Variants in CNTNAP5 observed in about 807,000 individuals in gnomAD.
The protein encoded by CNTNAP5 is contactin-associated protein-like 5.
Under a neutral mutation model 150.2 loss-of-function variants are expected in CNTNAP5, and 72 were observed. That is an observed-to-expected ratio of 0.48 (90% CI 0.40 to 0.58). The LOEUF (loss-of-function observed/expected upper bound fraction) is 0.58. CNTNAP5 is among the 20% of genes least tolerant of loss of function. The pLI is 0.00. For synonymous variants in CNTNAP5, 672 were observed against 619.8 expected, an observed-to-expected ratio of 1.08 and a Z score of -1.25; for missense variants, 1,636 against 1,626.2, an observed-to-expected ratio of 1.01 and a Z score of -0.10.
intron 1 of CNTNAP5, among the ~76,000 whole-genome samples, chr2:124,047,423 C>T (rs74777805): frequency 1.4e-4 from 22 of 152,224 alleles, no homozygotes; most frequent in Non-Finnish European, 2.6e-4. Context: ...AGAGCTTGGA[C>T]GGATCTGGCC....
At chr2:124,204,951 A>G (rs575186027) in intron 1 of CNTNAP5, among the ~76,000 whole-genome samples, 1 of 152,332 alleles carries the variant, frequency 6.6e-6, no homozygotes, top group Admixed American at 6.5e-5. Context: ...GTAAACTGCT[A>G]CTGAGGCCAG....
chr2:124,462,427 C>T (rs1486794790), intron 6 of CNTNAP5, among the ~76,000 whole-genome samples: 4 of 152,144 alleles, frequency 2.6e-5, no homozygotes, highest in African/African-American at 9.7e-5. Context: ...AAAGACTTCT[C>T]TTAAATTTGT....
intron 13 of CNTNAP5, among the ~76,000 whole-genome samples, chr2:124,651,573 G>A: frequency 6.6e-6 from 1 of 152,178 alleles, no homozygotes; most frequent in East Asian, 1.9e-4. Context: ...ACAGAAAGGG[G>A]CAGATCTAAC....
rs191465569 is a variant in CNTNAP5 at position 124,838,273 on chromosome 2, G to A, written c.3218-27033G>A. Among the ~76,000 whole-genome samples the A allele has an allele frequency of 2.4e-4, 36 of 152,198 alleles. No individual in the cohort carries two copies. The East Asian group carries it at 4.5e-3, about 19-fold the overall frequency. Reference sequence around the variant, plus strand: ...ATTATATACATTTTGCACATAGGGAGGTGAAACACTAGAAGACCATTAGAT... The same window carrying A: ...ATTATATACATTTTGCACATAGGGAAGTGAAACACTAGAAGACCATTAGAT... On this transcript the variant is annotated intron_variant, in intron 19 of 23. Coordinates refer to ENST00000682447, the MANE Select transcript of CNTNAP5 (RefSeq NM_001367498.1).
chr2:124,085,085 C>A (rs1357757327), intron 1 of CNTNAP5, among the ~76,000 whole-genome samples: 1 of 151,746 alleles, frequency 6.6e-6, no homozygotes, highest in African/African-American at 2.4e-5. Flanking sequence ...CCACGCCCAG[C>A]TAATTTTTGT....
intron 11 of CNTNAP5, among the ~76,000 whole-genome samples, chr2:124,579,296 T>C (rs1558962225): frequency 6.6e-6 from 1 of 152,218 alleles, no homozygotes; most frequent in Non-Finnish European, 1.5e-5. Context: ...GTAAAGGATA[T>C]GGTTACACAA....
chr2:124,782,268 G>A (rs1014902037), intron 17 of CNTNAP5, among the ~76,000 whole-genome samples: 1 of 151,948 alleles, frequency 6.6e-6, no homozygotes, highest in Non-Finnish European at 1.5e-5. Context: ...ACCTCTGATG[G>A]TGCCTGCATG....
intron 8 of CNTNAP5, among the ~76,000 whole-genome samples, chr2:124,510,109 G>T (rs1694522873): frequency 6.6e-6 from 1 of 151,720 alleles, no homozygotes; most frequent in African/African-American, 2.4e-5. Context: ...TCGGGAGGCT[G>T]AGGCAGGAGA....
At chr2:124,413,625 G>A (rs11886818) in intron 3 of CNTNAP5, among the ~76,000 whole-genome samples, 25,988 of 101,898 alleles carry the variant, frequency 0.26, 3,949 homozygotes, top group East Asian at 0.46. Flanking sequence ...GTAAACTATC[G>A]CAAGAACAAA....
chr2:124,898,342 CT>C (rs1232556225), intron 21 of CNTNAP5, among the ~76,000 whole-genome samples: 2 of 151,372 alleles, frequency 1.3e-5, no homozygotes, highest in Non-Finnish European at 2.9e-5. Flanking sequence ...AATTTCTGAT[CT>C]TTTCGTGTTT....
chr2:124,348,446 T>C (rs979999682), intron 3 of CNTNAP5, among the ~76,000 whole-genome samples: 1 of 152,228 alleles, frequency 6.6e-6, no homozygotes, highest in Non-Finnish European at 1.5e-5. Context: ...AAGTATGTTG[T>C]TAGTTATGGG....
At chr2:124,085,383 G>T (rs1280766036) in intron 1 of CNTNAP5, among the ~76,000 whole-genome samples, 1 of 152,062 alleles carries the variant, frequency 6.6e-6, no homozygotes, top group Non-Finnish European at 1.5e-5. Context: ...GATGCCCGTA[G>T]TGACATACAC....
intron 3 of CNTNAP5, among the ~76,000 whole-genome samples, chr2:124,345,777 C>A (rs1689723032): frequency 6.6e-6 from 1 of 152,052 alleles, no homozygotes; most frequent in African/African-American, 2.4e-5. Context: ...CATTTTCTTC[C>A]CATATTCAGC....
At chr2:124,813,389 CT>C (rs948740262) in intron 19 of CNTNAP5, among the ~76,000 whole-genome samples, 3 of 143,584 alleles carry the variant, frequency 2.1e-5, no homozygotes, top group East Asian at 2.0e-4. Flanking sequence ...TTTTTTTTTT[CT>C]TTTTTTTTCT....
intron 7 of CNTNAP5, among the ~76,000 whole-genome samples, chr2:124,475,699 G>T (rs1157649252): frequency 1.3e-5 from 2 of 151,938 alleles, no homozygotes; most frequent in Non-Finnish European, 2.9e-5. Flanking sequence ...TGTTAATATA[G>T]CCACTCTTGC....
chr2:124,528,502 CT>C (rs1695028490), intron 10 of CNTNAP5, among the ~76,000 whole-genome samples: 1 of 152,130 alleles, frequency 6.6e-6, no homozygotes, highest in African/African-American at 2.4e-5. Flanking sequence ...ATTCAAAATA[CT>C]TTTTTGGCAT....
chr2:124,611,936 C>T (rs977176552), intron 12 of CNTNAP5, among the ~76,000 whole-genome samples: 7 of 152,164 alleles, frequency 4.6e-5, no homozygotes, highest in African/African-American at 1.7e-4. Context: ...TTATCTCCAT[C>T]TAACGTAGAA....
rs553427100 is a variant in CNTNAP5, at chr2:124,917,486, A to G, written c.*3198A>G. On this transcript the variant is annotated 3_prime_UTR_variant, in exon 24 of 24. Coordinates refer to ENST00000682447, the MANE Select transcript of CNTNAP5 (RefSeq NM_001367498.1). Reference sequence around the variant, plus strand: ...TTGTCATTTCTATAGACATATTTTTATGACTAACTTTGCCTCTTCTATTTA... The same window carrying G: ...TTGTCATTTCTATAGACATATTTTTGTGACTAACTTTGCCTCTTCTATTTA... 1.9e-4 allele frequency among the ~76,000 whole-genome samples: 29 copies of G among 152,192 alleles called. 1 individual carries two copies. The highest frequency in any genetic ancestry group is 6.5e-4 in the African/African-American group (27 of 41,568).
At chr2:124,035,005 TC>T (rs1681172134) in intron 1 of CNTNAP5, among the ~76,000 whole-genome samples, 10 of 46,330 alleles carry the variant, frequency 2.2e-4, no homozygotes, top group African/African-American at 3.0e-4. Context: ...TCCCCTCCCC[TC>T]CCCTCCCCTC....
Sources: gnomAD v4.1 joint callset for allele counts (sites outside exome capture counted in the v4.1 genomes callset) on GRCh38, gnomAD v4.1.1 for gene constraint, MANE v1.5 for transcripts, NCBI Gene and HGNC (gene_info 2026-07-23, HGNC 2026-07-21) for gene names.